The following POGZ variants were observed in gnomAD, a reference collection of about 807,000 sequenced individuals.
POGZ encodes the protein pogo transposable element with ZNF domain.
Under a neutral mutation model 134.6 loss-of-function variants are expected in POGZ, and 17 were observed. The observed-to-expected ratio is 0.13, with a 90% confidence interval of 0.09 to 0.19. The LOEUF is 0.19. Among genes scored for constraint, POGZ ranks in the 10% least tolerant of loss-of-function variants. POGZ has a pLI of 1.00. For synonymous variants in POGZ, 693 were observed against 657.1 expected (o/e 1.05, Z -0.84); for missense variants, 1,306 against 1,769.7 (o/e 0.74, Z 4.70).
At chr1:151,432,404 G>A (rs944580441) in intron 3 of POGZ, among the ~76,000 whole-genome samples, 1 of 152,152 alleles carries the variant, frequency 6.6e-6, no homozygotes, top group Admixed American at 6.5e-5. Context: ...CTCAGAAACT[G>A]AGAGCTCATC....
intron 1 of POGZ, among the ~76,000 whole-genome samples, chr1:151,447,540 C>A (rs760134394): frequency 1.7e-4 from 26 of 151,760 alleles, no homozygotes; most frequent in Non-Finnish European, 3.4e-4. Flanking sequence ...CAACCTCCAC[C>A]TCCCAGGCTC....
Position 151,403,435 on chromosome 1 carries a change from C to T in POGZ, c.*1367G>A. 3 of 985,620 alleles carry T rather than the reference C, an allele frequency of 3.0e-6. No homozygotes were observed. The highest frequency in any genetic ancestry group is 3.6e-6 in the Non-Finnish European group (3 of 829,732). 61.1% of individuals were successfully genotyped at this position (985,620 alleles called of 1,614,324 possible). On this transcript the variant is annotated 3_prime_UTR_variant, in exon 19 of 19. Transcript: ENST00000271715. ...ACCATTTACAAGCTTGTGCAGTTTG[C>T]CTCCTTGGCTCACAGGAGGGGAACA...
At position 151,432,576 on chromosome 1, in the gene POGZ, G is replaced by A. The variant is rs974175880; in HGVS notation, c.284-1735C>T. Among the ~76,000 whole-genome samples the A allele has an allele frequency of 9.9e-5, 15 of 152,206 alleles. 3 individuals are homozygous for A. Among genetic ancestry groups the A allele is most frequent in the Admixed American group, 8.5e-4 (13 of 15,282 alleles). On this transcript the variant is annotated intron_variant, in intron 3 of 18. Transcript: ENST00000271715. Reference sequence around the variant, plus strand: ...TTTTTAAATGTTTTATTATGGAGAAGTTAAAACATACATAAAAAGGGAACG... The same window carrying A: ...TTTTTAAATGTTTTATTATGGAGAAATTAAAACATACATAAAAAGGGAACG...
chr1:151,440,215 C>T (rs1223462314), intron 3 of POGZ, among the ~76,000 whole-genome samples: 1 of 150,136 alleles, frequency 6.7e-6, no homozygotes, highest in Non-Finnish European at 1.5e-5. Context: ...AGTTTTTCTA[C>T]AATGCATATA....
chr1:151,409,927 G>A (rs1216639262), intron 12 of POGZ, among the ~76,000 whole-genome samples: 1 of 152,174 alleles, frequency 6.6e-6, no homozygotes, highest in Non-Finnish European at 1.5e-5. Flanking sequence ...ACAAAGCTCT[G>A]TAAGCTTAGG....
chr1:151,405,802 C>T lies in POGZ; in HGVS notation c.3233G>A (p.Arg1078Gln), dbSNP rs576546048. 8.7e-6 allele frequency: 14 copies of T among 1,614,130 alleles called. No individual in the cohort carries two copies. Among genetic ancestry groups the T allele is most frequent in the Middle Eastern group, 1.6e-4 (1 of 6,062 alleles). ...CCGGGCATGGGGAGTCAGGTGGTGC[C>T]GCAGCATGAAACGCACAGCCCACTC... ...SYEWAVRFML[R>Q]HHLTPHARRA... The change falls in exon 19 of 19, where the codon CGG (arginine) becomes CAG (glutamine). Residue 1078 changes from arginine (R) to glutamine (Q), a missense_variant. Around this residue, in one of 10 missense-constraint regions of POGZ, gnomAD observed 161 missense variants for 185.4 expected, o/e 0.87. Transcript: ENST00000271715. This position sits in a 1 kb window ranked among gnomAD's most constrained non-coding sequence, Gnocchi z 4.9.
chr1:151,457,721 G>A (rs1053256752), intron 1 of POGZ, among the ~76,000 whole-genome samples: 1 of 152,186 alleles, frequency 6.6e-6, no homozygotes, highest in Non-Finnish European at 1.5e-5. Context: ...GAGGTCAGGC[G>A]TTCAAGACCA....
rs1283168241 is a variant in POGZ, at chr1:151,406,345, G to A, written c.2690C>T (p.Pro897Leu). ...GGCTAAGGGAGTTAGTAGCTCTTCA[G>A]GCTCAGCTGGGGTGGCCCCCGCAGA... ...VKSAGATPAE[P>L]EELLTPLAPA... The change falls in exon 19 of 19, where the codon CCT (proline) becomes CTT (leucine). Residue 897 changes from proline (P) to leucine (L), a missense_variant. Pro to Leu is a moderately conservative substitution (Grantham distance 98). This residue lies in a region of POGZ where 214 missense variants were observed against 255.5 expected (regional missense o/e 0.84). Transcript: ENST00000271715. The A allele has an allele frequency of 1.9e-6, 3 of 1,603,996 alleles. No individual in the cohort carries two copies. Among genetic ancestry groups the A allele is most frequent in the Non-Finnish European group, 1.7e-6 (2 of 1,175,094 alleles).
At chr1:151,434,909 T>A (rs1659324846) in intron 3 of POGZ, among the ~76,000 whole-genome samples, 1 of 151,572 alleles carries the variant, frequency 6.6e-6, no homozygotes, top group Non-Finnish European at 1.5e-5. Context: ...TCCTTCATTC[T>A]TTCTTTTTTT....
At position 151,429,155 on chromosome 1, in the gene POGZ, T is replaced by TA. The variant is rs778483881; in HGVS notation, c.568+447dup. On this transcript the variant is annotated intron_variant, in intron 5 of 18. Coordinates refer to ENST00000271715, the MANE Select transcript of POGZ (RefSeq NM_015100.4). ...AAAAAAAAACTATCTAGCAGAATCTTAAAAAAAAAAACTATCTAGTCATTG... is the reference window on the plus strand; with the variant it reads ...AAAAAAAAACTATCTAGCAGAATCTTAAAAAAAAAAAACTATCTAGTCATTG... Among the ~76,000 whole-genome samples, 537 of 146,526 alleles carry TA rather than the reference T, an allele frequency of 3.7e-3. 3 individuals are homozygous for TA. Among genetic ancestry groups the TA allele is most frequent in the African/African-American group, 9.7e-3 (390 of 40,142 alleles).
Position 151,404,688 on chromosome 1 carries a change from A to C in POGZ, c.*114T>G. On this transcript the variant is annotated 3_prime_UTR_variant, in exon 19 of 19. Coordinates refer to ENST00000271715, the MANE Select transcript of POGZ (RefSeq NM_015100.4). Reference sequence around the variant, plus strand: ...ACTTCAGGGGGGAGTGGTGGTATAAAATTAAAAAATAGAAACCAAATACCC... The same window carrying C: ...ACTTCAGGGGGGAGTGGTGGTATAACATTAAAAAATAGAAACCAAATACCC... 1 of 1,428,612 alleles carries C rather than the reference A, an allele frequency of 7.0e-7. No homozygotes were observed. Among genetic ancestry groups the C allele is most frequent in the Non-Finnish European group, 9.1e-7 (1 of 1,094,304 alleles). The allele number at this position is 1,428,612 out of a possible 1,614,324, so 88.5% of individuals were successfully genotyped here. A position where few individuals can be genotyped will look rare whatever the true frequency, so the allele number is the denominator to read the frequency against.
intron 1 of POGZ, among the ~76,000 whole-genome samples, chr1:151,446,149 G>T (rs1571559159): frequency 8.9e-6 from 1 of 111,902 alleles, no homozygotes; most frequent in African/African-American, 3.5e-5. Context: ...GTGTTAACAT[G>T]TATATCCAGA....
intron 10 of POGZ, among the ~76,000 whole-genome samples, chr1:151,419,024 C>CAAAAAAAAAAAAAAA (rs71090164): frequency 1.9e-5 from 1 of 52,156 alleles, no homozygotes; most frequent in Non-Finnish European, 3.9e-5. Context: ...AGCTCTGTCT[C>CAAAAAAAAAAAAAAA]AAAAAAAAAA....
At position 151,430,795 on chromosome 1, in the gene POGZ, G is replaced by T. The variant is rs2102308332; in HGVS notation, c.330C>A (p.Thr110=). ...TGCCCAGACCTGGGGCTGGATTCTG[G>T]GTCAGGATGAGTGGCTGTCCACCTT... The part of the protein sequence containing the change: ...VQQGGQPLIL[T]QNPAPGLGTM... The change falls in exon 4 of 19, where the codon ACC becomes ACA. Residue 110 remains threonine, a synonymous_variant. Coordinates refer to ENST00000271715, the MANE Select transcript of POGZ (RefSeq NM_015100.4). 6.3e-7 allele frequency: 1 copy of T among 1,594,838 alleles called. No individual in the cohort carries two copies. The highest frequency in any genetic ancestry group is 2.4e-5 in the East Asian group (1 of 42,290).
rs776996426 is a variant in POGZ, at chr1:151,408,012, CAAAAAA to C, written c.2375+82_2375+87del. The C allele has an allele frequency of 6.6e-6, 6 of 910,348 alleles. No homozygotes were observed. In the African/African-American group the frequency reaches 8.7e-5, roughly 13 times the overall value. 56.4% of individuals were successfully genotyped at this position (910,348 alleles called of 1,614,324 possible). A position where few individuals can be genotyped will look rare whatever the true frequency, so the allele number is the denominator to read the frequency against. On this transcript the variant is annotated intron_variant, in intron 15 of 18. Coordinates refer to ENST00000271715, the MANE Select transcript of POGZ (RefSeq NM_015100.4). The stretch of plus-strand genomic sequence containing the variant: ...AGGGGACAGAGTGAGACCCTGTCTT[CAAAAAA>C]AAAAAAAAAAAAAGAAGAAGAAGAA...
chr1:151,436,997 C>G (rs1174073558), intron 3 of POGZ, among the ~76,000 whole-genome samples: 1 of 152,144 alleles, frequency 6.6e-6, no homozygotes, highest in Non-Finnish European at 1.5e-5. Context: ...AGTTTGAGAC[C>G]AGCCTAGCCA....
rs536609094 is a variant in POGZ at position 151,428,501 on chromosome 1, C to A, written c.569-88G>T. On this transcript the variant is annotated intron_variant, in intron 5 of 18. Coordinates refer to ENST00000271715, the MANE Select transcript of POGZ (RefSeq NM_015100.4). ...TGCCTTTACTGGAAAGATTATTTCC[C>A]CAAACTGATGGATGATCATCAGAGG... 4 of 1,120,350 alleles carry A rather than the reference C, an allele frequency of 3.6e-6. No individual in the cohort carries two copies. In the East Asian group the frequency reaches 9.4e-5, roughly 26 times the overall value. The allele number at this position is 1,120,350 out of a possible 1,614,324, so 69.4% of individuals were successfully genotyped here.
chr1:151,403,212 A>G lies in POGZ; in HGVS notation c.*1590T>C. On this transcript the variant is annotated 3_prime_UTR_variant, in exon 19 of 19. Coordinates refer to ENST00000271715, the MANE Select transcript of POGZ (RefSeq NM_015100.4). ...AGTGTGCTGGGGGATGAAAAAACAA[A>G]CAAACAAAAAAGCAGGGTGGGGTGG... is the stretch of plus-strand genomic sequence containing the variant. 1 of 985,750 alleles carries G rather than the reference A, an allele frequency of 1.0e-6. No individual in the cohort carries two copies. The highest frequency in any genetic ancestry group is 1.7e-5 in the African/African-American group (1 of 57,364). The allele number at this position is 985,750 out of a possible 1,614,324, so 61.1% of individuals were successfully genotyped here.
At chr1:151,411,874 G>GTT (rs1339829991) in intron 11 of POGZ, 103 bp from the exon 12 acceptor site, 3 of 944,822 alleles carry the variant, frequency 3.2e-6, no homozygotes, top group Non-Finnish European at 4.5e-6. Context: ...AAAAAAAAAA[G>GTT]TTTTCTCAAA....
Sources: gnomAD v4.1 joint callset for allele counts (sites outside exome capture counted in the v4.1 genomes callset) on GRCh38, gnomAD v4.1.1 for gene constraint, gnomAD v4.1.1 regional missense constraint, Gnocchi (gnomAD v3.1) non-coding constraint, MANE v1.5 for transcripts, NCBI Gene and HGNC (gene_info 2026-07-23, HGNC 2026-07-21) for gene names.